LRBA: variants seen among roughly 807,000 people sequenced by gnomAD.
LRBA encodes the protein lipopolysaccharide-responsive and beige-like anchor protein.
Under a neutral mutation model 330.0 loss-of-function variants are expected in LRBA, and 176 were observed. The observed-to-expected ratio is 0.53, with a 90% CI of 0.47 to 0.60. The LOEUF (loss-of-function observed/expected upper bound fraction) is 0.60, where lower values mean the gene tolerates loss of function less well. Ranked by LOEUF, LRBA falls within the 20% of genes least tolerant of loss-of-function variation. The probability of loss-of-function intolerance (pLI) is 0.00; values close to 1 mark genes in which losing one functional copy is unlikely to be tolerated. For synonymous variants in LRBA, 1,230 were observed against 1,193.0 expected (o/e 1.03, Z -0.64); for missense variants, 3,259 against 3,444.8 (o/e 0.95, Z 1.35).
chr4:150,710,645 C>A (rs569229451), intron 36 of LRBA, among the ~76,000 whole-genome samples: 1 of 151,960 alleles, frequency 6.6e-6, no homozygotes, highest in Non-Finnish European at 1.5e-5. Flanking sequence ...GCCAAAGAGA[C>A]GTACCAAATT....
intron 2 of LRBA, among the ~76,000 whole-genome samples, chr4:150,953,934 C>CGCG (rs1737172745): frequency 7.7e-6 from 1 of 129,522 alleles, no homozygotes; most frequent in African/African-American, 2.8e-5. Context: ...TCTGCCCGGC[C>CGCG]ACCCATCTTC....
chr4:151,008,969 CAAAAAAAAAA>C (rs1216990774), intron 2 of LRBA, among the ~76,000 whole-genome samples: 1 of 1,884 alleles, frequency 5.3e-4, no homozygotes, highest in African/African-American at 6.8e-4. Flanking sequence ...GACTCCATCT[CAAAAAAAAAA>C]AAAAAAAAAA....
At chr4:150,672,992 T>C (rs749950802) in intron 37 of LRBA, among the ~76,000 whole-genome samples, 1 of 152,202 alleles carries the variant, frequency 6.6e-6, no homozygotes, top group African/African-American at 2.4e-5. Flanking sequence ...CTGACTGATT[T>C]AGTCAGTCAT....
At chr4:150,395,777 T>C (rs1744649341) in intron 47 of LRBA, among the ~76,000 whole-genome samples, 1 of 152,160 alleles carries the variant, frequency 6.6e-6, no homozygotes, top group Non-Finnish European at 1.5e-5. Flanking sequence ...TCTTTTCCTA[T>C]ACTATAAGCT....
At chr4:150,563,827 G>A (rs935255423) in intron 40 of LRBA, among the ~76,000 whole-genome samples, 1 of 152,082 alleles carries the variant, frequency 6.6e-6, no homozygotes, top group Non-Finnish European at 1.5e-5. Context: ...CAACTCACAA[G>A]GGATGTGAAG....
At chr4:151,013,577 T>C (rs1745093301) in intron 2 of LRBA, 1 of 152,186 alleles carries the variant, frequency 6.6e-6, no homozygotes, top group Admixed American at 6.5e-5. Flanking sequence ...AAAAACAATT[T>C]AAGCCCTATA....
chr4:150,677,148 ATTTC>A (rs772942641), intron 37 of LRBA, among the ~76,000 whole-genome samples: 6 of 152,260 alleles, frequency 3.9e-5, no homozygotes, highest in East Asian at 1.9e-4. Flanking sequence ...CCCAAAAATG[ATTTC>A]TTTATGACAT....
intron 47 of LRBA, among the ~76,000 whole-genome samples, chr4:150,357,407 C>G (rs909859302): frequency 6.6e-6 from 1 of 151,762 alleles, no homozygotes; most frequent in African/African-American, 2.4e-5. Context: ...TGCTGTGTGC[C>G]AAGATCAAAA....
In LRBA at chr4:150,443,872, ATTTTTTTTTTT is replaced by A. The variant is rs61403112; in HGVS notation, c.6781-7019_6781-7009del. Among the ~76,000 whole-genome samples the A allele has an allele frequency of 6.8e-5, 6 of 88,434 alleles. No individual in the cohort carries two copies. In the East Asian group the frequency reaches 1.5e-3, roughly 22 times the overall value. 58.0% of individuals were successfully genotyped at this position (88,434 alleles called of 152,430 possible). A position where few individuals can be genotyped will look rare whatever the true frequency, so the allele number is the denominator to read the frequency against. ...TAAAAAAATATATATATATATATAT[ATTTTTTTTTTT>A]TTTTTTTTTTAAAGCCACCTCCAAC... On this transcript the variant is annotated intron_variant, in intron 44 of 56. Coordinates refer to ENST00000651943, the MANE Select transcript of LRBA (RefSeq NM_001364905.1).
At chr4:150,568,899 A>G (rs1294253205) in intron 40 of LRBA, among the ~76,000 whole-genome samples, 1 of 152,116 alleles carries the variant, frequency 6.6e-6, no homozygotes, top group African/African-American at 2.4e-5. Flanking sequence ...GGGATAACTT[A>G]TAAGTAGATT....
At chr4:150,851,798 T>A (rs2126919237) in intron 23 of LRBA, 87 bp downstream of exon 23, 2 of 1,348,416 alleles carry the variant, frequency 1.5e-6, no homozygotes, top group East Asian at 2.6e-5. Context: ...TGAACCAAAT[T>A]CAAAATAAAA....
chr4:150,981,742 C>T (rs1237592901), intron 2 of LRBA, among the ~76,000 whole-genome samples: 1 of 152,030 alleles, frequency 6.6e-6, no homozygotes, highest in African/African-American at 2.4e-5. Context: ...AGGTGGATCA[C>T]GAGGTCAGGA....
At chr4:150,757,536 G>T (rs1394874577) in intron 35 of LRBA, among the ~76,000 whole-genome samples, 2 of 151,790 alleles carry the variant, frequency 1.3e-5, no homozygotes, top group African/African-American at 2.4e-5. Context: ...TACATAATAA[G>T]AAGAAAAAAA....
At chr4:150,805,235 AAAAGGAG>A (rs1742421372) in intron 33 of LRBA, among the ~76,000 whole-genome samples, 1 of 124,452 alleles carries the variant, frequency 8.0e-6, no homozygotes, top group African/African-American at 2.8e-5. Context: ...AAAGGAAAGG[AAAAGGAG>A]AAGGAAAGGA....
chr4:150,685,746 AT>A (rs1416946158), intron 36 of LRBA, among the ~76,000 whole-genome samples: 34 of 151,930 alleles, frequency 2.2e-4, no homozygotes, highest in Admixed American at 9.2e-4. Flanking sequence ...AGAATCAAAT[AT>A]CTTAGTCTGT....
At chr4:150,505,338 C>T (rs1760907664) in intron 40 of LRBA, among the ~76,000 whole-genome samples, 1 of 152,132 alleles carries the variant, frequency 6.6e-6, no homozygotes, top group Non-Finnish European at 1.5e-5. Flanking sequence ...AAGTAAAGCA[C>T]TCCTCAGCAA....
rs376283407 is a variant in LRBA, at chr4:150,967,599, A to AT, written c.217-38535dup. 4.1e-3 allele frequency among the ~76,000 whole-genome samples: 623 copies of AT among 152,322 alleles called. 6 individuals carry two copies. The highest frequency in any genetic ancestry group is 0.014 in the African/African-American group (596 of 41,554). On this transcript the variant is annotated intron_variant, in intron 2 of 56. Coordinates refer to ENST00000651943, the MANE Select transcript of LRBA (RefSeq NM_001364905.1). ...TGTTATTGTTCTTTGCAGATACAGCATTTTTTACAAATTGAAGGTTTGTGG... is the reference window on the plus strand; with the variant it reads ...TGTTATTGTTCTTTGCAGATACAGCATTTTTTTACAAATTGAAGGTTTGTGG...
intron 29 of LRBA, among the ~76,000 whole-genome samples, chr4:150,830,628 G>A (rs189070501): frequency 3.1e-3 from 476 of 152,126 alleles, no homozygotes; most frequent in Non-Finnish European, 5.0e-3. Flanking sequence ...AAATCATGAA[G>A]GAAAGATTAA....
At chr4:150,437,210 T>G (rs1275072065) in intron 44 of LRBA, among the ~76,000 whole-genome samples, 1 of 151,956 alleles carries the variant, frequency 6.6e-6, no homozygotes, top group Non-Finnish European at 1.5e-5. Flanking sequence ...TAAAACCACA[T>G]TTAGTTAATT....
Sources: allele counts gnomAD v4.1 joint callset (sites outside exome capture counted in the v4.1 genomes callset), GRCh38; gene constraint gnomAD v4.1.1; transcripts MANE v1.5; gene names NCBI Gene and HGNC (gene_info 2026-07-23, HGNC 2026-07-21).